SDK1: variants seen among roughly 807,000 people sequenced by gnomAD.
SDK1 encodes protein sidekick-1.
In SDK1, 157 loss-of-function variants were observed where a neutral mutation model predicts 245.5. The ratio of observed to expected loss-of-function variants is 0.64; its 90% CI spans 0.56 to 0.73. The LOEUF is 0.73. Among genes scored for constraint, SDK1 ranks in the 30% least tolerant of loss-of-function variants. The pLI is 0.00. For missense variants in SDK1, 3,583 were observed against 3,002.3 expected (o/e 1.19, Z -4.52); for synonymous variants, 1,647 against 1,278.5 (o/e 1.29, Z -6.15).
chr7:3,672,274 G>A (rs1783724885), intron 4 of SDK1, among the ~76,000 whole-genome samples: 1 of 152,040 alleles, frequency 6.6e-6, no homozygotes, highest in Non-Finnish European at 1.5e-5. Flanking sequence ...GTAGTGCCCA[G>A]TTATTGTGAA....
Position 3,675,333 on chromosome 7 carries a change from C to A in SDK1, c.713+33228C>A, listed in dbSNP as rs531981061. 7.2e-5 allele frequency among the ~76,000 whole-genome samples: 11 copies of A among 152,318 alleles called. No homozygotes were observed. The South Asian group carries it at 8.3e-4, about 11-fold the overall frequency. ...TGGACCAAGTGATGGTCGTCTACAG[C>A]TGGAATTATTATAACAGCTTCTGGT... On this transcript the variant is annotated intron_variant, in intron 4 of 44. Coordinates refer to ENST00000404826, the MANE Select transcript of SDK1 (RefSeq NM_152744.4).
chr7:3,785,752 T>C (rs2115017197), intron 4 of SDK1, among the ~76,000 whole-genome samples: 1 of 152,242 alleles, frequency 6.6e-6, no homozygotes, highest in African/African-American at 2.4e-5. Flanking sequence ...GAGCTCAGAT[T>C]GTGAGTGTGA....
At chr7:3,873,080 T>C (rs561753094) in intron 5 of SDK1, among the ~76,000 whole-genome samples, 2 of 152,296 alleles carry the variant, frequency 1.3e-5, no homozygotes, top group African/African-American at 4.8e-5. Context: ...ACCTATATCA[T>C]ACTCCTTTTG....
chr7:3,434,204 C>G (rs1779951825), intron 1 of SDK1, among the ~76,000 whole-genome samples: 1 of 152,102 alleles, frequency 6.6e-6, no homozygotes, highest in Non-Finnish European at 1.5e-5. Context: ...CTCACTCTAC[C>G]AGGCCAAAGA....
chr7:3,967,214 A>T, intron 9 of SDK1, 104 bp from the exon 10 acceptor site: 1 of 828,268 alleles, frequency 1.2e-6, no homozygotes, highest in Non-Finnish European at 2.1e-6. Context: ...TGCTACAGTT[A>T]CCTCTGTGAT....
At chr7:4,012,354 G>A (rs1163126605) in intron 16 of SDK1, 119 bp downstream of exon 16, 3 of 1,117,590 alleles carry the variant, frequency 2.7e-6, no homozygotes, top group Admixed American at 3.3e-5. Context: ...AGTCAGGCCA[G>A]GTGTGAGATG....
intron 5 of SDK1, among the ~76,000 whole-genome samples, chr7:3,872,218 T>C (rs1238718750): frequency 6.6e-6 from 1 of 152,200 alleles, no homozygotes; most frequent in East Asian, 1.9e-4. Flanking sequence ...TGAGAATGTT[T>C]ATATTCTCTA....
At chr7:3,590,855 T>C (rs1780847052) in intron 1 of SDK1, among the ~76,000 whole-genome samples, 2 of 151,448 alleles carry the variant, frequency 1.3e-5, no homozygotes, top group South Asian at 4.2e-4. Flanking sequence ...TGATCGTAGA[T>C]TACTGTGGCC....
chr7:4,233,477 C>G, intron 41 of SDK1, 58 bp downstream of exon 41: 2 of 1,466,490 alleles, frequency 1.4e-6, no homozygotes, highest in Non-Finnish European at 1.8e-6. Flanking sequence ...GAAATGGGGT[C>G]GAGGGGGACC....
intron 1 of SDK1, among the ~76,000 whole-genome samples, chr7:3,417,008 A>C (rs1244896984): frequency 1.3e-5 from 2 of 152,100 alleles, no homozygotes; most frequent in African/African-American, 2.4e-5. Context: ...CACTGTCTCT[A>C]CTAAAAAATA....
At chr7:4,078,016 A>G (rs1415931886) in intron 21 of SDK1, among the ~76,000 whole-genome samples, 1 of 152,206 alleles carries the variant, frequency 6.6e-6, no homozygotes, top group Non-Finnish European at 1.5e-5. Context: ...TATCCAGGGC[A>G]GGGAAATGGG....
At chr7:3,304,333 C>G (rs544075046) in intron 1 of SDK1, among the ~76,000 whole-genome samples, 5 of 152,310 alleles carry the variant, frequency 3.3e-5, no homozygotes, top group African/African-American at 1.2e-4. Flanking sequence ...TTTATGCCAT[C>G]CACCAAGGAG....
At chr7:3,503,752 T>C (rs917761871) in intron 1 of SDK1, among the ~76,000 whole-genome samples, 2 of 152,096 alleles carry the variant, frequency 1.3e-5, no homozygotes, top group Non-Finnish European at 2.9e-5. Flanking sequence ...CTTTAAAAAG[T>C]TCAAGACTAG....
intron 4 of SDK1, among the ~76,000 whole-genome samples, chr7:3,767,367 A>G (rs530490648): frequency 6.6e-6 from 1 of 152,330 alleles, no homozygotes; most frequent in South Asian, 2.1e-4. Flanking sequence ...GTAAAAAAGA[A>G]CACACAAATA....
intron 5 of SDK1, among the ~76,000 whole-genome samples, chr7:3,859,653 T>A (rs1374178222): frequency 6.6e-6 from 1 of 152,148 alleles, no homozygotes; most frequent in Non-Finnish European, 1.5e-5. Context: ...TCCTTCTCTT[T>A]TGTCTTATAA....
intron 1 of SDK1, among the ~76,000 whole-genome samples, chr7:3,559,147 G>A (rs904520336): frequency 5.9e-5 from 9 of 152,050 alleles, no homozygotes; most frequent in South Asian, 4.1e-4. Context: ...CTGAACTTAC[G>A]ATATATAGAT....
chr7:4,049,477 G>A lies in SDK1; in HGVS notation c.2718+14G>A, dbSNP rs1235020438. 4 of 1,582,664 alleles carry A rather than the reference G, an allele frequency of 2.5e-6. No homozygotes were observed. The highest frequency in any genetic ancestry group is 1.7e-6 in the Non-Finnish European group (2 of 1,151,342). Reference sequence around the variant, plus strand: ...CAGGGATACAAGGTACGTGGCCTGGGTTCAGGGCCTGTGGGCAGCTGTCAT... The same window carrying A: ...CAGGGATACAAGGTACGTGGCCTGGATTCAGGGCCTGTGGGCAGCTGTCAT... On this transcript the variant is annotated intron_variant, in intron 18 of 44. Transcript: ENST00000404826.
intron 5 of SDK1, among the ~76,000 whole-genome samples, chr7:3,904,766 G>C (rs781312164): frequency 6.6e-6 from 1 of 152,076 alleles, no homozygotes; most frequent in Non-Finnish European, 1.5e-5. Context: ...GGCCTAGGAG[G>C]GGGGATCACA....
intron 1 of SDK1, among the ~76,000 whole-genome samples, chr7:3,555,957 C>T (rs1000567459): frequency 2.0e-5 from 3 of 152,132 alleles, no homozygotes; most frequent in Non-Finnish European, 2.9e-5. Flanking sequence ...AATCCTCATA[C>T]ACTATCGGTG....
Sources: allele counts gnomAD v4.1 joint callset (sites outside exome capture counted in the v4.1 genomes callset), GRCh38; gene constraint gnomAD v4.1.1; transcripts MANE v1.5; gene names NCBI Gene and HGNC (gene_info 2026-07-23, HGNC 2026-07-21).